Variants in KRT20 observed in about 807,000 individuals in gnomAD.
The protein encoded by KRT20 is keratin 20.
A neutral mutation model predicts 43.0 loss-of-function variants in KRT20; 41 were observed. The observed-to-expected ratio is 0.95, with a 90% CI of 0.74 to 1.24. The LOEUF (loss-of-function observed/expected upper bound fraction) is 1.24, where lower values mean the gene tolerates loss of function less well. Among genes scored for constraint, KRT20 ranks in the 50% most tolerant of loss-of-function variants. The pLI, the probability that KRT20 is intolerant of heterozygous loss-of-function variation, is 0.00. For missense variants in KRT20, 533 were observed against 521.2 expected (o/e 1.02, Z -0.22); for synonymous variants, 207 against 200.6 (o/e 1.03, Z -0.27).
chr17:40,885,094 G>T lies in KRT20; in HGVS notation c.92C>A (p.Thr31Lys). 6.2e-7 allele frequency: 1 copy of T among 1,614,024 alleles called. No individual in the cohort carries two copies. The highest frequency in any genetic ancestry group is 8.5e-7 in the Non-Finnish European group (1 of 1,180,032). Residue 31 changes from threonine to lysine, a missense_variant, in exon 1 of 8, where the codon ACG becomes AAG. By Grantham distance (78) the Thr-to-Lys change is moderately conservative (BLOSUM62 -1). Coordinates refer to ENST00000167588, the MANE Select transcript of KRT20 (RefSeq NM_019010.3). ...VSTVGMQRLG[T>K]TPSVYGGAGG... ...AGCACCCCCATAAACGCTGGGTGTCGTCCCGAGGCGCTGCATGCCCACTGT... is the reference window on the plus strand; with the variant it reads ...AGCACCCCCATAAACGCTGGGTGTCTTCCCGAGGCGCTGCATGCCCACTGT...
chr17:40,882,567 C>T lies in KRT20; in HGVS notation c.473+5G>A. 2.0e-6 allele frequency: 3 copies of T among 1,537,480 alleles called. No homozygotes were observed. The highest frequency in any genetic ancestry group is 2.4e-5 in the East Asian group (1 of 42,386). On this transcript the variant is annotated splice_donor_5th_base_variant and intron_variant, in intron 2 of 7. Transcript: ENST00000167588. ...GAAACTTTTGCCACGTATTAGGGAA[C>T]CTACTTCAGTCTGAAGTCCTCAGCA...
At chr17:40,880,294 C>CT (rs1567754505) in intron 3 of KRT20, 33 bp from the exon 4 acceptor site, 1 of 1,568,992 alleles carries the variant, frequency 6.4e-7, no homozygotes, top group South Asian at 1.2e-5. Flanking sequence ...TGATTTTAGT[C>CT]TGAAGCACAT....
In KRT20 at chr17:40,884,854, G is replaced by A. The variant is rs547778667; in HGVS notation, c.332C>T (p.Pro111Leu). Residue 111 changes from proline to leucine, a missense_variant, in exon 1 of 8, where the codon CCG (proline) becomes CTG (leucine). By Grantham distance (98) the Pro-to-Leu change is moderately conservative. Transcript: ENST00000167588. ...TGCACTGTAGTCGCGACCAGCCCTC[G>A]GGGCGTTGGTTTCGTACCACTGCTT... ...QIKQWYETNAPRAGRDYSAYY... is the reference protein window; with the variant it reads ...QIKQWYETNALRAGRDYSAYY... 1.2e-5 allele frequency: 20 copies of A among 1,614,012 alleles called. No individual in the cohort carries two copies. The highest frequency in any genetic ancestry group is 4.0e-5 in the African/African-American group (3 of 74,896).
chr17:40,878,154 TCTC>T lies in KRT20; in HGVS notation c.1127_1129del (p.Gly376del). 2 of 1,613,556 alleles carry T rather than the reference TCTC, an allele frequency of 1.2e-6. No homozygotes were observed. Among genetic ancestry groups the T allele is most frequent in the Non-Finnish European group, 1.7e-6 (2 of 1,179,526 alleles). ...ATTCTAAGAGCCTTACTTTACGTCT[TCTC>T]CTTCCAGAAGGCGGCGGTAAGTAGC... On this transcript the variant is annotated inframe_deletion, in exon 6 of 8. Coordinates refer to ENST00000167588, the MANE Select transcript of KRT20 (RefSeq NM_019010.3).
intron 2 of KRT20, 101 bp from the exon 3 acceptor site, chr17:40,880,871 G>A (rs533842414): frequency 1.2e-6 from 1 of 848,232 alleles, no homozygotes; most frequent in African/African-American, 1.7e-5. Flanking sequence ...GGCTTATGAG[G>A]AGATCAATTT....
chr17:40,885,104 G>T lies in KRT20; in HGVS notation c.82C>A (p.Arg28Ser), dbSNP rs1439265018. 7 of 1,613,780 alleles carry T rather than the reference G, an allele frequency of 4.3e-6. No individual in the cohort carries two copies. The highest frequency in any genetic ancestry group is 5.9e-6 in the Non-Finnish European group (7 of 1,180,022). The change falls in exon 1 of 8, where the codon CGC (arginine) becomes AGC (serine). Residue 28 changes from arginine to serine, a missense_variant. By Grantham distance (110) the Arg-to-Ser change is moderately radical. Transcript: ENST00000167588. ...TAAACGCTGGGTGTCGTCCCGAGGC[G>T]CTGCATGCCCACTGTACTGACTACA... ...APVVSTVGMQ[R>S]LGTTPSVYGG...
rs776752142 is a variant in KRT20 at position 40,885,119 on chromosome 17, T to TACTG, written c.63_66dup (p.Thr23GlnfsTer49). 6.2e-7 allele frequency: 1 copy of TACTG among 1,613,664 alleles called. No individual in the cohort carries two copies. Among genetic ancestry groups the TACTG allele is most frequent in the South Asian group, 1.1e-5 (1 of 91,068 alleles). Reference sequence around the variant, plus strand: ...GTCCCGAGGCGCTGCATGCCCACTGTACTGACTACAGGGGCCTGCAAGGAG... The same window carrying TACTG: ...GTCCCGAGGCGCTGCATGCCCACTGTACTGACTGACTACAGGGGCCTGCAAGGAG... On this transcript the variant is annotated frameshift_variant, in exon 1 of 8. Coordinates refer to ENST00000167588, the MANE Select transcript of KRT20 (RefSeq NM_019010.3).
At chr17:40,879,988 A>T in intron 4 of KRT20, 50 bp from the exon 5 acceptor site, 1 of 1,601,818 alleles carries the variant, frequency 6.2e-7, no homozygotes, top group Non-Finnish European at 8.5e-7. Flanking sequence ...GAAATAAGAA[A>T]GAAAAGACAG....
Position 40,878,230 on chromosome 17 carries a change from C to A in KRT20, c.1054G>T (p.Glu352Ter). The change falls in exon 6 of 8, where the codon GAA becomes TAA. Residue 352 changes from glutamate (E) to a stop codon, truncating the protein, a stop_gained. Transcript: ENST00000167588. LOFTEE classifies it high-confidence loss of function. Reference sequence around the variant, plus strand: ...TTTATGTCAAGAAGGATATGGTATTCGTTGTTCTGGCGTTCCATGTTACTC... The same window carrying A: ...TTTATGTCAAGAAGGATATGGTATTAGTTGTTCTGGCGTTCCATGTTACTC... ...IRSNMERQNNEYHILLDIKTR... is the reference protein window; with the variant it reads ...IRSNMERQNN The A allele has an allele frequency of 6.2e-7, 1 of 1,614,012 alleles. No individual in the cohort carries two copies. Among genetic ancestry groups the A allele is most frequent in the Non-Finnish European group, 8.5e-7 (1 of 1,180,002 alleles).
In KRT20 at chr17:40,885,189, A is replaced by C. The variant is rs1401010005; in HGVS notation, c.-4T>G. On this transcript the variant is annotated 5_prime_UTR_variant, in exon 1 of 8. Coordinates refer to ENST00000167588, the MANE Select transcript of KRT20 (RefSeq NM_019010.3). ...AGCTTCTGCGACTGAAATCCATTGG[A>C]GATTCCAGGAGGGAGCACCTGTAGC... 3.1e-6 allele frequency: 5 copies of C among 1,589,028 alleles called. No individual in the cohort carries two copies. Among genetic ancestry groups the C allele is most frequent in the South Asian group, 1.1e-5 (1 of 89,880 alleles).
intron 1 of KRT20, 33 bp downstream of exon 1, chr17:40,884,763 C>A: frequency 6.3e-7 from 1 of 1,586,268 alleles, no homozygotes; most frequent in Non-Finnish European, 8.6e-7. Flanking sequence ...TGAAGCTAAA[C>A]ACAGAGTAGG....
intron 6 of KRT20, among the ~76,000 whole-genome samples, 183 bp downstream of exon 6, chr17:40,877,962 G>T (rs1907416727): frequency 6.6e-6 from 1 of 152,016 alleles, no homozygotes; most frequent in East Asian, 1.9e-4. Context: ...GGCTGTACTT[G>T]ATATTTTGGG....
At chr17:40,883,423 ATCCCTCTGTGTGCTGG>A (rs1907683637) in intron 1 of KRT20, among the ~76,000 whole-genome samples, 1 of 152,156 alleles carries the variant, frequency 6.6e-6, no homozygotes, top group South Asian at 2.1e-4. Context: ...TGCTCTCATT[ATCCCTCTGTGTGCTGG>A]TCCCTCTGTC....
At position 40,885,031 on chromosome 17, in the gene KRT20, G is replaced by A. The variant is rs1296499040; in HGVS notation, c.155C>T (p.Thr52Met). 2 of 1,614,122 alleles carry A rather than the reference G, an allele frequency of 1.2e-6. No homozygotes were observed. The highest frequency in any genetic ancestry group is 1.7e-6 in the Non-Finnish European group (2 of 1,180,020). ...RGIRISNSRH[T>M]VNYGSDLTGG... ...TGTGAGATCGCTCCCATAGTTCACC[G>A]TGTGTCTGGAGTTGGAGATGCGGAT... Residue 52 changes from threonine (T) to methionine (M), a missense_variant, in exon 1 of 8, where the codon ACG becomes ATG. Thr to Met is a moderately conservative substitution (Grantham distance 81). Coordinates refer to ENST00000167588, the MANE Select transcript of KRT20 (RefSeq NM_019010.3).
intron 5 of KRT20, 133 bp downstream of exon 5, chr17:40,879,680 T>G: frequency 1.1e-6 from 1 of 917,866 alleles, no homozygotes; most frequent in Non-Finnish European, 1.6e-6. Flanking sequence ...TAATCAGTTG[T>G]TCGGCCTGTT....
At position 40,885,130 on chromosome 17, in the gene KRT20, G is replaced by C; in HGVS notation, c.56C>G (p.Pro19Arg). 6.2e-7 allele frequency: 1 copy of C among 1,613,034 alleles called. No individual in the cohort carries two copies. The highest frequency in any genetic ancestry group is 8.5e-7 in the Non-Finnish European group (1 of 1,179,774). The part of the protein sequence containing the change: ...HRSLSSSLQA[P>R]VVSTVGMQRL... ...CTGCATGCCCACTGTACTGACTACA[G>C]GGGCCTGCAAGGAGGAGCTCAGGCT... Residue 19 changes from proline to arginine, a missense_variant, in exon 1 of 8, where the codon CCT (proline) becomes CGT (arginine). Coordinates refer to ENST00000167588, the MANE Select transcript of KRT20 (RefSeq NM_019010.3).
In KRT20 at chr17:40,876,330, A is replaced by G; in HGVS notation, c.*31T>C. 6.9e-7 allele frequency: 1 copy of G among 1,445,746 alleles called. No homozygotes were observed. Among genetic ancestry groups the G allele is most frequent in the Non-Finnish European group, 9.7e-7 (1 of 1,027,164 alleles). 89.6% of individuals were successfully genotyped at this position (1,445,746 alleles called of 1,614,324 possible). A position where few individuals can be genotyped will look rare whatever the true frequency, so the allele number is the denominator to read the frequency against. ...AAGATTATAGCCAAATTTCTTTCAA[A>G]ACCTCAGCAGCATCTCCTTCTGGTA... On this transcript the variant is annotated 3_prime_UTR_variant, in exon 8 of 8. Transcript: ENST00000167588.
At chr17:40,881,935 C>T (rs1056660092) in intron 2 of KRT20, among the ~76,000 whole-genome samples, 2 of 150,342 alleles carry the variant, frequency 1.3e-5, no homozygotes, top group Admixed American at 6.7e-5. Flanking sequence ...TGCAATGGCA[C>T]GATCTCAGCT....
chr17:40,878,008 G>T (rs768880908), intron 6 of KRT20, 137 bp downstream of exon 6: 6 of 757,552 alleles, frequency 7.9e-6, no homozygotes, highest in Non-Finnish European at 1.1e-5. Context: ...TCGTTTTGTT[G>T]TTCGTGGTGA....
Sources: gnomAD v4.1 joint callset for allele counts (sites outside exome capture counted in the v4.1 genomes callset) on GRCh38, gnomAD v4.1.1 for gene constraint, MANE v1.5 for transcripts, NCBI Gene and HGNC (gene_info 2026-07-23, HGNC 2026-07-21) for gene names.